The following CWC22 variants were observed in gnomAD, a reference collection of about 807,000 sequenced individuals.
CWC22 encodes the protein pre-mRNA-splicing factor CWC22 homolog.
A neutral mutation model predicts 117.2 loss-of-function variants in CWC22; 53 were observed. The ratio of observed to expected loss-of-function variants is 0.45; its 90% CI spans 0.36 to 0.57. The LOEUF (loss-of-function observed/expected upper bound fraction) is 0.57. Among genes scored for constraint, CWC22 ranks in the 20% least tolerant of loss-of-function variants. The pLI is 0.00. For missense variants in CWC22, 980 were observed against 1,068.8 expected, an observed-to-expected ratio of 0.92 and a Z score of 1.16; for synonymous variants, 360 against 355.6, an observed-to-expected ratio of 1.01 and a Z score of -0.14.
intron 11 of CWC22, 131 bp downstream of exon 11, chr2:179,970,370 C>T: frequency 1.0e-6 from 1 of 1,002,014 alleles, no homozygotes; most frequent in Non-Finnish European, 1.4e-6. Context: ...GAGGAAACAG[C>T]TAAGAGAATA....
chr2:179,949,138 G>C (rs1309202235), intron 19 of CWC22, among the ~76,000 whole-genome samples: 1 of 152,188 alleles, frequency 6.6e-6, no homozygotes, highest in Non-Finnish European at 1.5e-5. Context: ...GAAACATTGA[G>C]AAGTAAGTGA....
Position 179,986,817 on chromosome 2 carries a change from T to A in CWC22, c.96-12A>T. 6.8e-7 allele frequency: 1 copy of A among 1,468,770 alleles called. No individual in the cohort carries two copies. Among genetic ancestry groups the A allele is most frequent in the Admixed American group, 2.2e-5 (1 of 45,052 alleles). 91.0% of individuals were successfully genotyped at this position (1,468,770 alleles called of 1,614,324 possible). A position where few individuals can be genotyped will look rare whatever the true frequency, so the allele number is the denominator to read the frequency against. On this transcript the variant is annotated splice_polypyrimidine_tract_variant and intron_variant, in intron 3 of 19. Coordinates refer to ENST00000410053, the MANE Select transcript of CWC22 (RefSeq NM_020943.3). ...CTTGTTCTTCATATCTAACATAAAATAAGAAAACCAAGTTGCAAATTAAAA... is the reference window on the plus strand; with the variant it reads ...CTTGTTCTTCATATCTAACATAAAAAAAGAAAACCAAGTTGCAAATTAAAA...
At chr2:180,002,748 A>G (rs908894587) in intron 1 of CWC22, among the ~76,000 whole-genome samples, 1 of 152,256 alleles carries the variant, frequency 6.6e-6, no homozygotes, top group Non-Finnish European at 1.5e-5. Context: ...AAGAACAAGT[A>G]GGAATTATCC....
chr2:179,993,004 T>TAC (rs3030021), intron 2 of CWC22, among the ~76,000 whole-genome samples: 2 of 151,822 alleles, frequency 1.3e-5, no homozygotes, highest in African/African-American at 2.4e-5. Flanking sequence ...TCCATGTGTA[T>TAC]ACACACACAC....
chr2:179,946,472 G>C (rs1184223715), intron 19 of CWC22, among the ~76,000 whole-genome samples: 3 of 139,056 alleles, frequency 2.2e-5, no homozygotes, highest in Non-Finnish European at 4.7e-5. Flanking sequence ...AAAGGGGGGG[G>C]GGGAAGGGGA....
At chr2:179,974,809 T>C (rs1214451429) in intron 6 of CWC22, among the ~76,000 whole-genome samples, 3 of 152,150 alleles carry the variant, frequency 2.0e-5, no homozygotes, top group African/African-American at 7.2e-5. Context: ...AGGAGTGCAG[T>C]GGGGCGATCT....
chr2:179,954,986 A>G lies in CWC22; in HGVS notation c.1507T>C (p.Tyr503His), dbSNP rs1686547674. ...GCTAATAAGCCAAAAAATTTTTCGTATGTCCTCTGTTGGGCACAGCAATCA... is the reference window on the plus strand; with the variant it reads ...GCTAATAAGCCAAAAAATTTTTCGTGTGTCCTCTGTTGGGCACAGCAATCA... ...ILDCCAQQRTYEKFFGLLAGR... is the reference protein window; with the variant it reads ...ILDCCAQQRTHEKFFGLLAGR... Residue 503 changes from tyrosine (Y) to histidine (H), a missense_variant, in exon 15 of 20, where the codon TAC becomes CAC. Tyr to His is a moderately conservative substitution (Grantham distance 83). Coordinates refer to ENST00000410053, the MANE Select transcript of CWC22 (RefSeq NM_020943.3). 1 of 1,602,004 alleles carries G rather than the reference A, an allele frequency of 6.2e-7. No individual in the cohort carries two copies. Among genetic ancestry groups the G allele is most frequent in the African/African-American group, 1.3e-5 (1 of 74,830 alleles).
intron 11 of CWC22, among the ~76,000 whole-genome samples, chr2:179,968,881 T>C (rs943927113): frequency 6.6e-6 from 1 of 152,172 alleles, no homozygotes; most frequent in African/African-American, 2.4e-5. Flanking sequence ...AATAACGATT[T>C]TCATAAAAAT....
intron 14 of CWC22, among the ~76,000 whole-genome samples, chr2:179,957,726 C>T (rs979191973): frequency 6.6e-5 from 10 of 151,974 alleles, no homozygotes; most frequent in Non-Finnish European, 1.0e-4. Flanking sequence ...CATCTGTGCC[C>T]GGTTTACCAC....
In CWC22 at chr2:179,954,375, A is replaced by T; in HGVS notation, c.1537-18T>A. The T allele has an allele frequency of 6.7e-7, 1 of 1,494,598 alleles. No individual in the cohort carries two copies. 92.6% of individuals were successfully genotyped at this position (1,494,598 alleles called of 1,614,324 possible). On this transcript the variant is annotated intron_variant, in intron 15 of 19. Transcript: ENST00000410053. ...CAAAATCGCTAATAAATAAAAAATCAGTACCATTAAAAATTGAATGTTAAT... is the reference window on the plus strand; with the variant it reads ...CAAAATCGCTAATAAATAAAAAATCTGTACCATTAAAAATTGAATGTTAAT...
At position 179,945,161 on chromosome 2, in the gene CWC22, G is replaced by A. The variant is rs752315626; in HGVS notation, c.2695C>T (p.Arg899Ter). The change falls in exon 20 of 20, where the codon CGA becomes TGA. Residue 899 changes from arginine (R) to a stop codon, truncating the protein, a stop_gained. Coordinates refer to ENST00000410053, the MANE Select transcript of CWC22 (RefSeq NM_020943.3). LOFTEE classifies it high-confidence loss of function. Reference protein sequence around the residue: ...SRESKKNQDRRREKSPAKQK With the variant: ...SRESKKNQDR Reference sequence around the variant, plus strand: ...TGTTTTGCTGGAGACTTTTCTCTTCGCCGGTCCTGATTTTTCTTTGATTCT... The same window carrying A: ...TGTTTTGCTGGAGACTTTTCTCTTCACCGGTCCTGATTTTTCTTTGATTCT... 12 of 1,603,596 alleles carry A rather than the reference G, an allele frequency of 7.5e-6. No individual in the cohort carries two copies. The highest frequency in any genetic ancestry group is 4.5e-5 in the South Asian group (4 of 88,084).
chr2:180,001,915 G>T (rs1295302252), intron 1 of CWC22, among the ~76,000 whole-genome samples: 2 of 152,126 alleles, frequency 1.3e-5, no homozygotes, highest in African/African-American at 4.8e-5. Context: ...TTTGTTCATT[G>T]CTACATTCCC....
intron 13 of CWC22, among the ~76,000 whole-genome samples, chr2:179,963,741 A>C (rs1228746422): frequency 6.6e-6 from 1 of 152,218 alleles, no homozygotes; most frequent in Non-Finnish European, 1.5e-5. Context: ...TTTGAAGATA[A>C]ACCTAAAGCC....
chr2:180,006,419 C>G (rs1687975451), intron 1 of CWC22, among the ~76,000 whole-genome samples: 2 of 152,146 alleles, frequency 1.3e-5, no homozygotes, highest in African/African-American at 4.8e-5. Context: ...CAGTTATTAC[C>G]TCACTGGAGA....
At chr2:179,961,636 CT>C (rs1686752264) in intron 13 of CWC22, among the ~76,000 whole-genome samples, 1 of 151,874 alleles carries the variant, frequency 6.6e-6, no homozygotes, top group South Asian at 2.1e-4. Context: ...CCTGAAATTT[CT>C]GAAAAACAGT....
At chr2:179,992,583 A>T (rs1306033569) in intron 2 of CWC22, among the ~76,000 whole-genome samples, 1 of 152,190 alleles carries the variant, frequency 6.6e-6, no homozygotes, top group Non-Finnish European at 1.5e-5. Flanking sequence ...TCTATTACTT[A>T]ACATTCTAAC....
intron 6 of CWC22, among the ~76,000 whole-genome samples, chr2:179,974,502 T>G (rs1187314672): frequency 6.6e-6 from 1 of 152,210 alleles, no homozygotes; most frequent in Non-Finnish European, 1.5e-5. Flanking sequence ...AATTATTGGA[T>G]TGCCAAAAGT....
intron 4 of CWC22, among the ~76,000 whole-genome samples, chr2:179,982,738 T>G (rs975895023): frequency 6.6e-6 from 1 of 152,170 alleles, no homozygotes; most frequent in African/African-American, 2.4e-5. Context: ...CTGAGGCTTT[T>G]AAAACAATCA....
At chr2:180,003,979 C>G (rs766210121) in intron 1 of CWC22, among the ~76,000 whole-genome samples, 2 of 152,176 alleles carry the variant, frequency 1.3e-5, no homozygotes, top group Non-Finnish European at 2.9e-5. Flanking sequence ...AATGTACATA[C>G]TGAGAAAAAG....
Sources: allele counts gnomAD v4.1 joint callset (sites outside exome capture counted in the v4.1 genomes callset), GRCh38; gene constraint gnomAD v4.1.1; transcripts MANE v1.5; gene names NCBI Gene and HGNC (gene_info 2026-07-23, HGNC 2026-07-21).